Variants in NEK5 observed in about 807,000 individuals in gnomAD.
NEK5 encodes NIMA related kinase 5, also known as serine/threonine-protein kinase Nek5.
A neutral mutation model predicts 109.2 loss-of-function variants in NEK5; 88 were observed. The ratio of observed to expected loss-of-function variants is 0.81; its 90% CI spans 0.68 to 0.96. The LOEUF is 0.96. Among genes scored for constraint, NEK5 ranks in the 40% least tolerant of loss-of-function variants. The pLI is 0.00. For synonymous variants in NEK5, 283 were observed against 299.9 expected, an observed-to-expected ratio of 0.94 and a Z score of 0.58; for missense variants, 834 against 920.7, an observed-to-expected ratio of 0.91 and a Z score of 1.22.
At chr13:52,114,068 G>A (rs1415580701) in intron 4 of NEK5, among the ~76,000 whole-genome samples, 1 of 152,170 alleles carries the variant, frequency 6.6e-6, no homozygotes, top group African/African-American at 2.4e-5. Flanking sequence ...ATGATTTTCT[G>A]CTCTAACCAG....
intron 20 of NEK5, among the ~76,000 whole-genome samples, chr13:52,070,726 T>G (rs1954770281): frequency 1.3e-5 from 2 of 152,124 alleles, no homozygotes; most frequent in African/African-American, 2.4e-5. Context: ...GAAAATGGAC[T>G]AATACAGTAA....
At chr13:52,116,680 G>A (rs1955864641) in intron 4 of NEK5, among the ~76,000 whole-genome samples, 1 of 152,142 alleles carries the variant, frequency 6.6e-6, no homozygotes, top group African/African-American at 2.4e-5. Context: ...TTGTTGTTAA[G>A]CCACTAAATT....
chr13:52,109,122 T>C (rs1353664445), intron 7 of NEK5, among the ~76,000 whole-genome samples: 2 of 152,198 alleles, frequency 1.3e-5, no homozygotes, highest in Non-Finnish European at 2.9e-5. Flanking sequence ...TCCAAACAGG[T>C]GCACAAATTT....
At chr13:52,109,646 C>T (rs1367469189) in intron 7 of NEK5, among the ~76,000 whole-genome samples, 1 of 152,116 alleles carries the variant, frequency 6.6e-6, no homozygotes, top group East Asian at 1.9e-4. Flanking sequence ...TCTCTGAGGC[C>T]TGCTACTTGG....
At chr13:52,078,571 C>T (rs1954910724) in intron 17 of NEK5, among the ~76,000 whole-genome samples, 1 of 149,598 alleles carries the variant, frequency 6.7e-6, no homozygotes, top group East Asian at 2.0e-4. Flanking sequence ...TTATTATGAT[C>T]AATTATATCT....
rs367576095 is a variant in NEK5, at chr13:52,069,423, C to T, written c.1849+2521G>A. On this transcript the variant is annotated intron_variant, in intron 20 of 23. Coordinates refer to ENST00000684899, the MANE Select transcript of NEK5 (RefSeq NM_001365552.1). ...GCTCCATTTCCTTCTCACTCCAGTC[C>T]TTCTGCATAGGTATTTTGACCATCA... Among the ~76,000 whole-genome samples, 4 of 152,268 alleles carry T rather than the reference C, an allele frequency of 2.6e-5. No homozygotes were observed. The East Asian group carries it at 7.7e-4, about 29-fold the overall frequency.
intron 22 of NEK5, among the ~76,000 whole-genome samples, chr13:52,060,483 T>C (rs1389089421): frequency 2.0e-5 from 3 of 152,028 alleles, no homozygotes; most frequent in South Asian, 4.1e-4. Context: ...ACCTCCCAAG[T>C]AGCTGGGATT....
At chr13:52,054,256 T>A (rs1954532854) in intron 22 of NEK5, among the ~76,000 whole-genome samples, 1 of 152,228 alleles carries the variant, frequency 6.6e-6, no homozygotes, top group African/African-American at 2.4e-5. Context: ...ATTTGTCCAA[T>A]GTTTCCTGAA....
chr13:52,102,088 T>C lies in NEK5; in HGVS notation c.810+4A>G, dbSNP rs901374706. 6.2e-7 allele frequency: 1 copy of C among 1,613,342 alleles called. No homozygotes were observed. Among genetic ancestry groups the C allele is most frequent in the African/African-American group, 1.3e-5 (1 of 74,862 alleles). On this transcript the variant is annotated splice_donor_region_variant and intron_variant, in intron 10 of 23. Coordinates refer to ENST00000684899, the MANE Select transcript of NEK5 (RefSeq NM_001365552.1). ...AAAATCCAAACAGTCACCTCAAAAC[T>C]TACCTCAGGAGTCAAATATTTGGGA...
intron 4 of NEK5, among the ~76,000 whole-genome samples, chr13:52,113,310 CAT>C (rs756798605): frequency 3.9e-5 from 6 of 152,214 alleles, no homozygotes; most frequent in Non-Finnish European, 8.8e-5. Context: ...TCAGTGGACT[CAT>C]AATCTACCAA....
chr13:52,082,585 T>C (rs907104271), intron 17 of NEK5, among the ~76,000 whole-genome samples: 2 of 152,164 alleles, frequency 1.3e-5, no homozygotes, highest in Non-Finnish European at 2.9e-5. Context: ...GGAAAAAAAC[T>C]CTCTTGAGAT....
intron 17 of NEK5, chr13:52,082,265 A>G: frequency 1.9e-6 from 1 of 534,658 alleles, no homozygotes; most frequent in Admixed American, 4.0e-5. Flanking sequence ...CGGTGAGCCA[A>G]GATCGTGCCA....
chr13:52,078,611 T>C (rs549888939), intron 17 of NEK5, among the ~76,000 whole-genome samples: 51 of 151,590 alleles, frequency 3.4e-4, no homozygotes, highest in African/African-American at 1.2e-3. Context: ...TTTAAAGAGA[T>C]GGCGGACTCA....
chr13:52,074,256 A>G (rs1954828959), intron 19 of NEK5, among the ~76,000 whole-genome samples: 1 of 152,232 alleles, frequency 6.6e-6, no homozygotes, highest in Non-Finnish European at 1.5e-5. Flanking sequence ...CAGTAATCAA[A>G]ACTGTATGGT....
chr13:52,078,343 T>C (rs542237612), intron 17 of NEK5, among the ~76,000 whole-genome samples: 3 of 152,212 alleles, frequency 2.0e-5, no homozygotes, highest in African/African-American at 7.2e-5. Context: ...CAAACAAATC[T>C]AGAAAATTCA....
chr13:52,110,961 A>G (rs9316568), intron 5 of NEK5, among the ~76,000 whole-genome samples: 144,362 of 152,242 alleles, frequency 0.95, 68,509 homozygotes, highest in East Asian at 1. Context: ...GATAACCTGG[A>G]AGCCATTGGT....
rs187247121 is a variant in NEK5 at position 52,089,764 on chromosome 13, G to A, written c.1209-451C>T. Among the ~76,000 whole-genome samples the A allele has an allele frequency of 3.9e-5, 6 of 152,120 alleles. No individual in the cohort carries two copies. In the East Asian group the frequency reaches 1.2e-3, roughly 29 times the overall value. On this transcript the variant is annotated intron_variant, in intron 13 of 23. Transcript: ENST00000684899. ...GCACTTTGGGAGGCCGAGGTGGGTG[G>A]ATCACGAGGTCAGGAGTTCGAGATC...
chr13:52,054,593 T>A (rs1954536380), intron 22 of NEK5, among the ~76,000 whole-genome samples: 1 of 152,258 alleles, frequency 6.6e-6, no homozygotes. Flanking sequence ...AGCACGCAGC[T>A]GGAGATCTGA....
Position 52,061,880 on chromosome 13 carries a change from TAA to T in NEK5, c.2047_2048del (p.Leu683AsnfsTer12). 1 of 985,590 alleles carries T rather than the reference TAA, an allele frequency of 1.0e-6. No homozygotes were observed. The highest frequency in any genetic ancestry group is 1.2e-6 in the Non-Finnish European group (1 of 829,694). 61.1% of individuals were successfully genotyped at this position (985,590 alleles called of 1,614,324 possible). On this transcript the variant is annotated frameshift_variant, in exon 22 of 24. Transcript: ENST00000684899. LOFTEE classifies it high-confidence loss of function. ...GATGTGCTGCTGCCAAAACACTCAT[TAA>T]AGTTCCTGGAGCTTCATGCCGCCAC... ...KQWRHEAPGT[L>X]MSVLAAAHLT...
Sources: gnomAD v4.1 joint callset for allele counts (sites outside exome capture counted in the v4.1 genomes callset) on GRCh38, gnomAD v4.1.1 for gene constraint, MANE v1.5 for transcripts, NCBI Gene and HGNC (gene_info 2026-07-23, HGNC 2026-07-21) for gene names.